Variants in ERC2 observed in about 807,000 individuals in gnomAD.
ERC2 encodes the protein ELKS/RAB6-interacting/CAST family member 2, also known as ERC protein 2.
Under a neutral mutation model 114.8 loss-of-function variants are expected in ERC2, and 42 were observed. The observed-to-expected ratio is 0.37, with a 90% CI of 0.29 to 0.47. ERC2 has a LOEUF of 0.47. Among genes scored for constraint, ERC2 ranks in the 20% least tolerant of loss-of-function variants. The pLI is 0.99. For synonymous variants in ERC2, 454 were observed against 425.5 expected, an observed-to-expected ratio of 1.07 and a Z score of -0.82; for missense variants, 939 against 1,150.7, an observed-to-expected ratio of 0.82 and a Z score of 2.66.
intron 2 of ERC2, among the ~76,000 whole-genome samples, chr3:56,299,529 A>C (rs774248008): frequency 6.6e-6 from 1 of 151,670 alleles, no homozygotes; most frequent in Non-Finnish European, 1.5e-5. Flanking sequence ...TTCTGGGTTC[A>C]AGTGATCCTC....
intron 6 of ERC2, among the ~76,000 whole-genome samples, chr3:56,128,108 A>G (rs933289228): frequency 3.9e-5 from 6 of 152,108 alleles, no homozygotes; most frequent in Non-Finnish European, 8.8e-5. Context: ...TAAAAAAAAG[A>G]TTTGTAAGTG....
At chr3:56,440,547 CAAAA>C (rs397877367) in intron 1 of ERC2, among the ~76,000 whole-genome samples, 4 of 107,674 alleles carry the variant, frequency 3.7e-5, no homozygotes, top group Non-Finnish European at 3.9e-5. Context: ...GACTCTGTCT[CAAAA>C]AAAAAAAAAA....
intron 14 of ERC2, among the ~76,000 whole-genome samples, chr3:55,746,671 G>A (rs2148954555): frequency 6.6e-6 from 1 of 152,316 alleles, no homozygotes; most frequent in African/African-American, 2.4e-5. Flanking sequence ...AACACAGGGT[G>A]GCATGTCTGT....
intron 14 of ERC2, among the ~76,000 whole-genome samples, chr3:55,837,239 CCATCCCATTACTGGG>C (rs1175889065): frequency 6.6e-6 from 1 of 152,164 alleles, no homozygotes. Flanking sequence ...TTTGATCCAG[CCATCCCATTACTGGG>C]TATATACCCA....
At chr3:55,531,615 C>G (rs753574652) in intron 17 of ERC2, among the ~76,000 whole-genome samples, 1 of 152,176 alleles carries the variant, frequency 6.6e-6, no homozygotes, top group African/African-American at 2.4e-5. Flanking sequence ...TGGTGTATAA[C>G]CACATGCACA....
chr3:56,419,489 A>G (rs1188706966), intron 2 of ERC2, among the ~76,000 whole-genome samples: 1 of 152,234 alleles, frequency 6.6e-6, no homozygotes, highest in Non-Finnish European at 1.5e-5. Flanking sequence ...AGTATATTGT[A>G]TCTGAATACA....
intron 12 of ERC2, among the ~76,000 whole-genome samples, chr3:55,953,264 T>C (rs1235274939): frequency 1.3e-5 from 2 of 151,734 alleles, no homozygotes; most frequent in East Asian, 1.9e-4. Context: ...TTTGACATTA[T>C]GATGGAGGCC....
At chr3:56,370,595 G>GTTT (rs71621814) in intron 2 of ERC2, among the ~76,000 whole-genome samples, 5 of 124,052 alleles carry the variant, frequency 4.0e-5, no homozygotes, top group African/African-American at 1.2e-4. Context: ...GGGTTTTTTT[G>GTTT]TTTTTTTTTT....
chr3:56,218,376 G>A (rs1399201755), intron 3 of ERC2, among the ~76,000 whole-genome samples: 2 of 152,108 alleles, frequency 1.3e-5, no homozygotes, highest in Non-Finnish European at 2.9e-5. Context: ...GCAGCCAAAA[G>A]ACACATGAAA....
At chr3:56,236,556 G>A (rs1268070463) in intron 3 of ERC2, among the ~76,000 whole-genome samples, 2 of 152,128 alleles carry the variant, frequency 1.3e-5, no homozygotes, top group Admixed American at 1.3e-4. Context: ...CACAGAAAAC[G>A]GTGTGCTTTG....
At chr3:56,069,492 TG>T (rs1176788092) in intron 7 of ERC2, among the ~76,000 whole-genome samples, 1 of 152,142 alleles carries the variant, frequency 6.6e-6, no homozygotes, top group East Asian at 1.9e-4. Context: ...GGTCTCTGCC[TG>T]GGGTATTACA....
intron 14 of ERC2, among the ~76,000 whole-genome samples, chr3:55,851,139 A>G (rs2061553709): frequency 7.0e-6 from 1 of 142,924 alleles, no homozygotes; most frequent in Non-Finnish European, 1.6e-5. Flanking sequence ...GACCTTGGGA[A>G]GAAAACTTAC....
In ERC2 at chr3:56,094,063, C is replaced by T. The variant is rs560058157; in HGVS notation, c.1474-13079G>A. Among the ~76,000 whole-genome samples the T allele has an allele frequency of 1.3e-5, 2 of 152,274 alleles. 1 individual carries two copies. Among genetic ancestry groups the T allele is most frequent in the South Asian group, 4.2e-4 (2 of 4,818 alleles). On this transcript the variant is annotated intron_variant, in intron 6 of 17. Transcript: ENST00000288221. The stretch of plus-strand genomic sequence containing the variant: ...CTTTAAATTGATTTAACTTACCTTT[C>T]CCCACATCTATTTTTTCCCACCGAA...
At position 56,037,005 on chromosome 3, in the gene ERC2, G is replaced by A. The variant is rs73089198; in HGVS notation, c.1642-17974C>T. ...AACAAAAAGCAACAACGACAACGAC[G>A]TCAATAAAAAAGCCCCTACAAAAAC... On this transcript the variant is annotated intron_variant, in intron 7 of 17. Coordinates refer to ENST00000288221, the MANE Select transcript of ERC2 (RefSeq NM_015576.3). Among the ~76,000 whole-genome samples, 786 of 152,182 alleles carry A rather than the reference G, an allele frequency of 5.2e-3. 7 individuals carry two copies. Among genetic ancestry groups the A allele is most frequent in the Middle Eastern group, 0.024 (7 of 294 alleles).
chr3:56,143,493 C>T (rs1023329754), intron 5 of ERC2, among the ~76,000 whole-genome samples: 3 of 152,056 alleles, frequency 2.0e-5, no homozygotes, highest in Non-Finnish European at 2.9e-5. Flanking sequence ...TCATGAGATC[C>T]GATGGTTTTA....
intron 17 of ERC2, among the ~76,000 whole-genome samples, chr3:55,600,208 C>T (rs1329867406): frequency 2.0e-5 from 3 of 151,946 alleles, no homozygotes; most frequent in Non-Finnish European, 4.4e-5. Flanking sequence ...ATAATAGATG[C>T]TCTAGAAAAA....
At chr3:56,102,115 T>A (rs1220624336) in intron 6 of ERC2, among the ~76,000 whole-genome samples, 1 of 152,208 alleles carries the variant, frequency 6.6e-6, no homozygotes, top group African/African-American at 2.4e-5. Flanking sequence ...CTCCCTTTGC[T>A]TCACTTATGA....
intron 7 of ERC2, among the ~76,000 whole-genome samples, chr3:56,058,024 G>A (rs1245631957): frequency 1.3e-5 from 2 of 152,118 alleles, no homozygotes; most frequent in African/African-American, 4.8e-5. Flanking sequence ...TCCTTACAGT[G>A]ATATAATCAA....
intron 3 of ERC2, among the ~76,000 whole-genome samples, chr3:56,279,850 T>C (rs2054233004): frequency 6.6e-6 from 1 of 152,116 alleles, no homozygotes; most frequent in Non-Finnish European, 1.5e-5. Context: ...AGAGAGAGAA[T>C]AAATAGGGCT....
Sources: gnomAD v4.1 joint callset for allele counts (sites outside exome capture counted in the v4.1 genomes callset) on GRCh38, gnomAD v4.1.1 for gene constraint, MANE v1.5 for transcripts, NCBI Gene and HGNC (gene_info 2026-07-23, HGNC 2026-07-21) for gene names.